AKNA: variants seen among roughly 807,000 people sequenced by gnomAD.
AKNA encodes microtubule organization protein AKNA.
A neutral mutation model predicts 138.8 loss-of-function variants in AKNA; 67 were observed. The observed-to-expected ratio is 0.48, with a 90% CI of 0.40 to 0.59. AKNA has a LOEUF of 0.59. AKNA is among the 20% of genes least tolerant of loss of function. The pLI is 0.00. For missense variants in AKNA, 1,813 were observed against 1,880.4 expected, an observed-to-expected ratio of 0.96 and a Z score of 0.66; for synonymous variants, 737 against 754.4, an observed-to-expected ratio of 0.98 and a Z score of 0.38.
chr9:114,377,052 C>A lies in AKNA; in HGVS notation c.755G>T (p.Gly252Val). Residue 252 changes from glycine to valine, a missense_variant, in exon 3 of 22, where the codon GGC becomes GTC. By Grantham distance (109) the Gly-to-Val change is moderately radical. Transcript: ENST00000374088. Reference sequence around the variant, plus strand: ...CATGGGGGTTGCCCGAGCAACACTGCCTCCAGTTCTGCCATCTGGGCTTAG... The same window carrying A: ...CATGGGGGTTGCCCGAGCAACACTGACTCCAGTTCTGCCATCTGGGCTTAG... ...HLLSPDGRTGGSVARATPMEF... is the reference protein window; with the variant it reads ...HLLSPDGRTGVSVARATPMEF... The A allele has an allele frequency of 6.2e-7, 1 of 1,614,184 alleles. No homozygotes were observed. Among genetic ancestry groups the A allele is most frequent in the Non-Finnish European group, 8.5e-7 (1 of 1,180,010 alleles).
chr9:114,366,751 GAGGGA>G (rs1397721732), intron 6 of AKNA, among the ~76,000 whole-genome samples: 2 of 151,400 alleles, frequency 1.3e-5, no homozygotes, highest in Non-Finnish European at 2.9e-5. Context: ...GAGAGGAGAG[GAGGGA>G]AGGGAAGGGA....
downstream of AKNA, chr9:114,332,039 C>G (rs1035641403): frequency 1.1e-4 from 93 of 876,108 alleles, 1 homozygote; most frequent in Admixed American, 2.1e-3. Flanking sequence ...CTAGGCAGAT[C>G]TTCTGCTTTT....
chr9:114,394,113 C>T (rs768137986), intron 1 of AKNA, among the ~76,000 whole-genome samples: 7 of 151,522 alleles, frequency 4.6e-5, no homozygotes, highest in Non-Finnish European at 8.8e-5. Context: ...GCAGAGGTTG[C>T]AGTGAGCCAA....
chr9:114,381,398 C>T lies in AKNA; in HGVS notation c.-65G>A. 6 of 1,459,754 alleles carry T rather than the reference C, an allele frequency of 4.1e-6. No individual in the cohort carries two copies. Among genetic ancestry groups the T allele is most frequent in the African/African-American group, 1.4e-5 (1 of 70,186 alleles). 90.4% of individuals were successfully genotyped at this position (1,459,754 alleles called of 1,614,324 possible). On this transcript the variant is annotated 5_prime_UTR_variant, in exon 2 of 22. Coordinates refer to ENST00000374088, the MANE Select transcript of AKNA (RefSeq NM_001317950.2). The stretch of plus-strand genomic sequence containing the variant: ...AGGAGACAGAGCTGCTGCCAGGGGC[C>T]CCAGAGTCACCGCTGGTTCCTGTCA...
chr9:114,392,781 G>A (rs77436904), upstream of AKNA, among the ~76,000 whole-genome samples: 699 of 152,308 alleles, frequency 4.6e-3, 7 homozygotes, highest in African/African-American at 0.015. Flanking sequence ...GTGGAGGGAG[G>A]TGCTGACATT....
intron 4 of AKNA, among the ~76,000 whole-genome samples, chr9:114,372,543 G>A (rs763978394): frequency 6.6e-6 from 1 of 152,090 alleles, no homozygotes; most frequent in African/African-American, 2.4e-5. Context: ...GCCCTTAAAC[G>A]AGTGCAGGAG....
At chr9:114,331,942 G>C, downstream of AKNA, 2 of 1,611,366 alleles carry the variant, frequency 1.2e-6, no homozygotes, top group South Asian at 2.2e-5. Flanking sequence ...AAACGCAAGG[G>C]ATTGGACAGT....
Position 114,356,925 on chromosome 9 carries a change from GC to G in AKNA, c.2783del (p.Gly928AlafsTer27), listed in dbSNP as rs747697391. 6.4e-7 allele frequency: 1 copy of G among 1,572,670 alleles called. No individual in the cohort carries two copies. Among genetic ancestry groups the G allele is most frequent in the South Asian group, 1.2e-5 (1 of 85,046 alleles). On this transcript the variant is annotated frameshift_variant, in exon 13 of 22. Transcript: ENST00000374088. LOFTEE classifies it high-confidence loss of function. ...GGGGTGAAACTCTGCTTGTTTCTGA[GC>G]CCACAAAGCCACTGTCTGTCTCTGG... ...ASPETDSGFV[G>X]SETSRVSPLT...
intron 12 of AKNA, 115 bp from the exon 13 acceptor site, chr9:114,357,084 G>T: frequency 1.2e-6 from 1 of 863,660 alleles, no homozygotes; most frequent in South Asian, 1.8e-5. Flanking sequence ...CAGGGTTGCT[G>T]GCCCAGCTCC....
At chr9:114,360,160 G>T (rs1387052840) in intron 9 of AKNA, 98 bp from the exon 10 acceptor site, 1 of 1,480,200 alleles carries the variant, frequency 6.8e-7, no homozygotes, top group Non-Finnish European at 9.3e-7. Flanking sequence ...GGGCTGCGGG[G>T]TAAGAAGCAC....
At chr9:114,347,370 C>T (rs912461192) in intron 16 of AKNA, among the ~76,000 whole-genome samples, 1 of 152,090 alleles carries the variant, frequency 6.6e-6, no homozygotes, top group African/African-American at 2.4e-5. Flanking sequence ...CAGGCGCACA[C>T]CACCACGCCC....
chr9:114,372,263 C>T (rs55819665), intron 4 of AKNA, among the ~76,000 whole-genome samples: 8,958 of 152,130 alleles, frequency 0.059, 875 homozygotes, highest in African/African-American at 0.2. Context: ...CCATTTCTGG[C>T]CTCTCCTGTG....
At chr9:114,383,076 C>A in intron 1 of AKNA, 1 of 454,866 alleles carries the variant, frequency 2.2e-6, no homozygotes, top group Middle Eastern at 3.3e-4. Context: ...TTTCCTGGAC[C>A]TGGGAGTGGT....
rs1053543732 is a variant in AKNA at position 114,393,445 on chromosome 9, T to C, written c.-114+912A>G. Reference sequence around the variant, plus strand: ...TTTCACTGTGTTAGCCAGGATGGTCTCGATCTCCTGACCTCGTGATCCACC... The same window carrying C: ...TTTCACTGTGTTAGCCAGGATGGTCCCGATCTCCTGACCTCGTGATCCACC... On this transcript the variant is annotated intron_variant, in intron 1 of 21. Coordinates refer to the AKNA transcript ENST00000307564. Among the ~76,000 whole-genome samples, 22 of 151,490 alleles carry C rather than the reference T, an allele frequency of 1.5e-4. 1 individual carries two copies. The highest frequency in any genetic ancestry group is 2.5e-4 in the Non-Finnish European group (17 of 67,914).
intron 4 of AKNA, 118 bp downstream of exon 4, chr9:114,373,975 C>A: frequency 9.2e-7 from 1 of 1,084,056 alleles, no homozygotes; most frequent in Non-Finnish European, 1.3e-6. Context: ...AACTGGCGTT[C>A]CACTATCTCC....
intron 21 of AKNA, among the ~76,000 whole-genome samples, chr9:114,338,870 A>G (rs1455048666): frequency 6.6e-6 from 1 of 152,184 alleles, no homozygotes; most frequent in Non-Finnish European, 1.5e-5. Flanking sequence ...AGGGGCAGCC[A>G]TGGGTTCACA....
Position 114,381,426 on chromosome 9 carries a change from A to G in AKNA, c.-93T>C. On this transcript the variant is annotated 5_prime_UTR_variant, in exon 2 of 22. It removes an upstream start codon present in the reference 5' UTR. Coordinates refer to ENST00000374088, the MANE Select transcript of AKNA (RefSeq NM_001317950.2). ...AGAGTCACCGCTGGTTCCTGTCAGC[A>G]TCGGCCATCCTGCCTGTGCCCTGTC... The G allele has an allele frequency of 9.7e-6, 14 of 1,440,818 alleles. No homozygotes were observed. Among genetic ancestry groups the G allele is most frequent in the Non-Finnish European group, 1.3e-5 (14 of 1,101,254 alleles). The allele number at this position is 1,440,818 out of a possible 1,614,324, so 89.3% of individuals were successfully genotyped here. A position where few individuals can be genotyped will look rare whatever the true frequency, so the allele number is the denominator to read the frequency against.
At chr9:114,351,100 T>C (rs1403938024) in intron 14 of AKNA, 79 bp from the exon 15 acceptor site, 19 of 1,439,426 alleles carry the variant, frequency 1.3e-5, no homozygotes, top group African/African-American at 7.0e-5. Flanking sequence ...GGTGGAATGA[T>C]GGGGGAAGTG....
intron 1 of AKNA, among the ~76,000 whole-genome samples, chr9:114,382,873 G>A (rs951572933): frequency 1.4e-4 from 22 of 152,084 alleles, no homozygotes; most frequent in African/African-American, 5.3e-4. Context: ...ATTTCCTTCT[G>A]AAGTGATGAA....
Sources: gnomAD v4.1 joint callset for allele counts (sites outside exome capture counted in the v4.1 genomes callset) on GRCh38, gnomAD v4.1.1 for gene constraint, MANE v1.5 for transcripts, NCBI Gene and HGNC (gene_info 2026-07-23, HGNC 2026-07-21) for gene names.